Variants in SMAP2 observed in about 807,000 individuals in gnomAD.
SMAP2 encodes the protein small ArfGAP2, also known as stromal membrane-associated protein 2.
Under a neutral mutation model 56.4 loss-of-function variants are expected in SMAP2, and 25 were observed. That is an observed-to-expected ratio of 0.44 (90% CI 0.32 to 0.62). The LOEUF (loss-of-function observed/expected upper bound fraction) is 0.62. SMAP2 is among the 20% of genes least tolerant of loss of function. SMAP2 has a pLI of 0.04. For missense variants in SMAP2, 388 were observed against 545.6 expected (o/e 0.71, Z 2.88); for synonymous variants, 157 against 181.7 (o/e 0.86, Z 1.09).
In SMAP2 at chr1:40,406,273, G is replaced by A. The variant is rs987587494; in HGVS notation, c.104-463G>A. On this transcript the variant is annotated intron_variant, in intron 1 of 9. Transcript: ENST00000372718. ...TAAGTAACAGTCTTATAACATCTGCGTTTCAACACTCATATTAGCAGACAC... is the reference window on the plus strand; with the variant it reads ...TAAGTAACAGTCTTATAACATCTGCATTTCAACACTCATATTAGCAGACAC... 1.1e-4 allele frequency among the ~76,000 whole-genome samples: 16 copies of A among 152,216 alleles called. 1 individual carries two copies. Among genetic ancestry groups the A allele is most frequent in the East Asian group, 5.8e-4 (3 of 5,174 alleles).
At chr1:40,420,844 T>C (rs1282469209) in intron 9 of SMAP2, among the ~76,000 whole-genome samples, 2 of 152,038 alleles carry the variant, frequency 1.3e-5, no homozygotes, top group African/African-American at 4.8e-5. Context: ...CAGGAAGAAA[T>C]GGAAGGAAGT....
chr1:40,391,075 C>T (rs1189993122), intron 1 of SMAP2, among the ~76,000 whole-genome samples: 1 of 152,160 alleles, frequency 6.6e-6, no homozygotes, highest in Non-Finnish European at 1.5e-5. Flanking sequence ...CTGTCCTCTG[C>T]CCACTAGATG....
chr1:40,370,545 T>C (rs1405934875), upstream of SMAP2, among the ~76,000 whole-genome samples: 1 of 104,588 alleles, frequency 9.6e-6, no homozygotes, highest in African/African-American at 3.6e-5. Context: ...GATGAGTTCA[T>C]GTCCTTTGTA....
chr1:40,398,618 T>G (rs908212733), intron 1 of SMAP2, among the ~76,000 whole-genome samples: 9 of 152,236 alleles, frequency 5.9e-5, no homozygotes, highest in Admixed American at 6.5e-5. Flanking sequence ...TTTGTGTACT[T>G]GACCTGTTTT....
chr1:40,422,385 A>G lies in SMAP2; in HGVS notation c.*284A>G, dbSNP rs1645052057. The G allele has an allele frequency of 1.3e-5, 5 of 387,758 alleles. No homozygotes were observed. The highest frequency in any genetic ancestry group is 1.2e-4 in the South Asian group (5 of 40,280). The allele number at this position is 387,758 out of a possible 1,614,324, so 24.0% of individuals were successfully genotyped here. A position where few individuals can be genotyped will look rare whatever the true frequency, so the allele number is the denominator to read the frequency against. ...TGGCAGAAGGCACTTAAACTGTGGG[A>G]GAAGTGTGCACACCTTTGAGTCCCT... is the stretch of plus-strand genomic sequence containing the variant. On this transcript the variant is annotated 3_prime_UTR_variant, in exon 10 of 10. Transcript: ENST00000372718.
chr1:40,416,108 A>G, intron 7 of SMAP2, 68 bp from the exon 8 acceptor site: 1 of 1,460,634 alleles, frequency 6.8e-7, no homozygotes, highest in South Asian at 1.3e-5. Flanking sequence ...GCAGAGAGGG[A>G]AGGGAGACCC....
intron 1 of SMAP2, among the ~76,000 whole-genome samples, chr1:40,346,575 G>A (rs1644386681): frequency 6.6e-6 from 1 of 151,882 alleles, no homozygotes; most frequent in Non-Finnish European, 1.5e-5. Context: ...TTGCTATGTT[G>A]CTCAGGCTAG....
In SMAP2 at chr1:40,421,987, G is replaced by C; in HGVS notation, c.1176G>C (p.Gln392His). Residue 392 changes from glutamine (Q) to histidine (H), a missense_variant, in exon 10 of 10, where the codon CAG (glutamine) becomes CAC (histidine). By Grantham distance (24) the Gln-to-His change is conservative (BLOSUM62 0). Transcript: ENST00000372718. ...TCTCTCCCTTTCAGATGACCCAGCA[G>C]ATGGCTGGGATGAACTTCTATGGAG... Reference protein sequence around the residue: ...LQWNLTQMTQQMAGMNFYGAN... With the variant: ...LQWNLTQMTQHMAGMNFYGAN... 6.2e-7 allele frequency: 1 copy of C among 1,614,190 alleles called. No homozygotes were observed. The highest frequency in any genetic ancestry group is 2.2e-5 in the East Asian group (1 of 44,882).
intron 1 of SMAP2, among the ~76,000 whole-genome samples, chr1:40,378,081 T>C (rs185500679): frequency 6.6e-6 from 1 of 152,348 alleles, no homozygotes; most frequent in Admixed American, 6.5e-5. Flanking sequence ...TCTGCACATG[T>C]TCTGTACAGA....
intron 1 of SMAP2, among the ~76,000 whole-genome samples, chr1:40,361,260 C>T (rs1202771187): frequency 6.6e-6 from 1 of 152,130 alleles, no homozygotes; most frequent in Non-Finnish European, 1.5e-5. Context: ...AACCCACTGC[C>T]TTGAAGGGAA....
chr1:40,421,474 C>T lies in SMAP2; in HGVS notation c.1165-502C>T, dbSNP rs558511364. ...TCTTCCCCCGCCCCCGCCCCGCCACCGCCTTTGTTCATTCTGAACAGTCCA... is the reference window on the plus strand; with the variant it reads ...TCTTCCCCCGCCCCCGCCCCGCCACTGCCTTTGTTCATTCTGAACAGTCCA... On this transcript the variant is annotated intron_variant, in intron 9 of 9. Transcript: ENST00000372718. 1.2e-4 allele frequency among the ~76,000 whole-genome samples: 19 copies of T among 152,186 alleles called. No homozygotes were observed. In the East Asian group the frequency reaches 2.5e-3, roughly 20 times the overall value.
At chr1:40,348,265 A>T (rs1644397183) in intron 1 of SMAP2, among the ~76,000 whole-genome samples, 1 of 152,206 alleles carries the variant, frequency 6.6e-6, no homozygotes, top group African/African-American at 2.4e-5. Context: ...AAGGCGTTTG[A>T]TATGTATTTC....
In SMAP2 at chr1:40,374,236, A is replaced by AC; in HGVS notation, c.103+15dup. 1 of 1,599,676 alleles carries AC rather than the reference A, an allele frequency of 6.3e-7. No homozygotes were observed. Among genetic ancestry groups the AC allele is most frequent in the South Asian group, 1.1e-5 (1 of 89,012 alleles). ...TGCCAGTCTAAAGGTAGCGCATCCC[A>AC]CCTGGCGGGCCAGGGGTCCAGCCGC... On this transcript the variant is annotated intron_variant, in intron 1 of 9. Coordinates refer to ENST00000372718, the MANE Select transcript of SMAP2 (RefSeq NM_022733.3). This position sits in a 1 kb window ranked among gnomAD's most constrained non-coding sequence, Gnocchi z 5.9.
chr1:40,393,328 C>T, intron 1 of SMAP2: 4 of 1,525,452 alleles, frequency 2.6e-6, no homozygotes, highest in Non-Finnish European at 3.5e-6. Flanking sequence ...AACAAAAAAC[C>T]CAACAACAGA....
intron 1 of SMAP2, among the ~76,000 whole-genome samples, chr1:40,380,529 C>CTTTTTTTTTTTTTTTTTTT (rs370625950): frequency 1.4e-5 from 2 of 142,878 alleles, no homozygotes; most frequent in Admixed American, 7.1e-5. Flanking sequence ...ATCTGTGGCA[C>CTTTTTTTTTTTTTTTTTTT]TTTTTTTTTT....
At chr1:40,413,818 A>G (rs1443283906) in intron 5 of SMAP2, among the ~76,000 whole-genome samples, 3 of 152,220 alleles carry the variant, frequency 2.0e-5, no homozygotes, top group Non-Finnish European at 2.9e-5. Flanking sequence ...CTCTTGTACC[A>G]TCAGATACCT....
intron 1 of SMAP2, among the ~76,000 whole-genome samples, chr1:40,393,745 C>T (rs1213098837): frequency 6.6e-6 from 1 of 151,924 alleles, no homozygotes; most frequent in East Asian, 1.9e-4. Flanking sequence ...GGGGTTTCAG[C>T]ATGTTGGCCA....
upstream of SMAP2, among the ~76,000 whole-genome samples, chr1:40,370,868 A>G (rs934003296): frequency 1.5e-3 from 231 of 151,826 alleles, no homozygotes; most frequent in African/African-American, 5.0e-3. Flanking sequence ...AAAAAAAAAA[A>G]AAAAGAAAAG....
chr1:40,374,274 G>C lies in SMAP2; in HGVS notation c.103+51G>C. 1 of 1,487,494 alleles carries C rather than the reference G, an allele frequency of 6.7e-7. No homozygotes were observed. The highest frequency in any genetic ancestry group is 2.4e-5 in the East Asian group (1 of 42,426). 92.1% of individuals were successfully genotyped at this position (1,487,494 alleles called of 1,614,324 possible). A position where few individuals can be genotyped will look rare whatever the true frequency, so the allele number is the denominator to read the frequency against. On this transcript the variant is annotated intron_variant, in intron 1 of 9. Transcript: ENST00000372718. The surrounding 1 kb of genome is among the most constrained non-coding windows in gnomAD (Gnocchi z 5.9). ...GGGGTCCAGCCGCGCCGGGGTGGTG[G>C]GGGTGGGCTGCGTGAAGAGGCGGTT...
Sources: allele counts gnomAD v4.1 joint callset (sites outside exome capture counted in the v4.1 genomes callset), GRCh38; gene constraint gnomAD v4.1.1; non-coding constraint Gnocchi (gnomAD v3.1); transcripts MANE v1.5; gene names NCBI Gene and HGNC (gene_info 2026-07-23, HGNC 2026-07-21).